The following DNAH14 variants were observed in gnomAD, a reference collection of about 807,000 sequenced individuals.
The protein encoded by DNAH14 is axonemal beta dynein heavy chain 14.
In DNAH14, 478 loss-of-function variants were observed where a neutral mutation model predicts 520.9. That is an observed-to-expected ratio of 0.92 (90% CI 0.85 to 0.99). The LOEUF is 0.99. Ranked by LOEUF, DNAH14 falls within the 50% of genes least tolerant of loss-of-function variation. The pLI is 0.00. For synonymous variants in DNAH14, 1,581 were observed against 1,757.2 expected, an observed-to-expected ratio of 0.90 and a Z score of 2.51; for missense variants, 4,831 against 5,234.5, an observed-to-expected ratio of 0.92 and a Z score of 2.38.
intron 37 of DNAH14, among the ~76,000 whole-genome samples, chr1:225,189,674 T>C (rs978716046): frequency 1.3e-5 from 2 of 151,996 alleles, no homozygotes; most frequent in Non-Finnish European, 2.9e-5. Context: ...GTATTTGAAC[T>C]ATTGTCTTTG....
At chr1:225,354,282 G>A (rs941918746) in intron 73 of DNAH14, 50 of 701,468 alleles carry the variant, frequency 7.1e-5, no homozygotes, top group Non-Finnish European at 1.2e-4. Context: ...AGGTAAGTCT[G>A]TCTAATTCTA....
chr1:224,968,959 C>T, intron 7 of DNAH14, 85 bp downstream of exon 7: 2 of 821,346 alleles, frequency 2.4e-6, no homozygotes, highest in African/African-American at 1.8e-5. Flanking sequence ...GGTTCTACTA[C>T]AGTAATACCA....
chr1:225,322,053 T>G (rs2094563477), intron 61 of DNAH14, among the ~76,000 whole-genome samples: 1 of 150,726 alleles, frequency 6.6e-6, no homozygotes, highest in Admixed American at 6.6e-5. Flanking sequence ...TTTAAATAAC[T>G]CTACAGTGAA....
intron 28 of DNAH14, among the ~76,000 whole-genome samples, chr1:225,142,324 A>G (rs917100370): frequency 1.3e-5 from 2 of 152,204 alleles, no homozygotes; most frequent in Admixed American, 6.5e-5. Context: ...CTAAGCCACC[A>G]TAGAGAATTC....
chr1:225,328,468 T>C (rs910113122), intron 64 of DNAH14, among the ~76,000 whole-genome samples: 7 of 152,248 alleles, frequency 4.6e-5, no homozygotes, highest in African/African-American at 1.7e-4. Flanking sequence ...AAAATGTATA[T>C]TTTTTACGCT....
chr1:224,930,028 A>G (rs113525871), intron 1 of DNAH14, among the ~76,000 whole-genome samples, 193 bp downstream of exon 1: 8,014 of 149,428 alleles, frequency 0.054, 323 homozygotes, highest in Non-Finnish European at 0.078. Flanking sequence ...CGCATCCACC[A>G]GGCGCCGGCG....
chr1:225,381,406 G>A lies in DNAH14; in HGVS notation c.12904G>A (p.Val4302Ile). The A allele has an allele frequency of 1.9e-6, 3 of 1,549,158 alleles. No individual in the cohort carries two copies. Among genetic ancestry groups the A allele is most frequent in the Admixed American group, 2.0e-5 (1 of 50,418 alleles). The change falls in exon 81 of 86, where the codon GTC becomes ATC. Residue 4302 changes from valine to isoleucine, a missense_variant. Coordinates refer to ENST00000682510, the MANE Select transcript of DNAH14 (RefSeq NM_001367479.1). ...LKDHDPLIHCVLLTFLKQEIK... is the reference protein window; with the variant it reads ...LKDHDPLIHCILLTFLKQEIK... ...AGATCACGACCCCCTTATCCATTGT[G>A]TCTTGCTAACCTTTTTGAAGCAAGA...
intron 23 of DNAH14, among the ~76,000 whole-genome samples, chr1:225,106,911 C>T (rs1178278596): frequency 1.3e-5 from 2 of 152,150 alleles, no homozygotes; most frequent in Non-Finnish European, 2.9e-5. Context: ...AGCATTGTTC[C>T]GTTGCTGGTG....
chr1:225,339,069 G>A (rs760751229), intron 68 of DNAH14, among the ~76,000 whole-genome samples: 1 of 151,842 alleles, frequency 6.6e-6, no homozygotes, highest in African/African-American at 2.4e-5. Context: ...AGCTGAGGTG[G>A]GTGGATCACC....
chr1:225,064,585 A>AG lies in DNAH14; in HGVS notation c.2424+12790_2424+12791insG, dbSNP rs556552854. On this transcript the variant is annotated intron_variant, in intron 17 of 85. Coordinates refer to ENST00000682510, the MANE Select transcript of DNAH14 (RefSeq NM_001367479.1). ...TGTATTAGAATAGTATGCAGCATTA[A>AG]AAAAAAGAACAAGCTACTACATGCA... is the stretch of plus-strand genomic sequence containing the variant. Among the ~76,000 whole-genome samples, 174 of 151,766 alleles carry AG rather than the reference A, an allele frequency of 1.1e-3. 1 individual carries two copies. In the South Asian group the frequency reaches 0.013, roughly 11 times the overall value.
At chr1:225,078,797 TC>T (rs2072629439) in intron 17 of DNAH14, among the ~76,000 whole-genome samples, 1 of 61,586 alleles carries the variant, frequency 1.6e-5, no homozygotes, top group South Asian at 8.0e-4. Flanking sequence ...TCTCTCTCTC[TC>T]TCTCTCTCTC....
intron 38 of DNAH14, among the ~76,000 whole-genome samples, chr1:225,197,132 G>A (rs1314234136): frequency 1.3e-5 from 2 of 151,936 alleles, no homozygotes; most frequent in Non-Finnish European, 2.9e-5. Flanking sequence ...ATGTCTAGAA[G>A]GGTTTTTTCA....
At chr1:225,089,427 A>C (rs1463903028) in intron 21 of DNAH14, among the ~76,000 whole-genome samples, 1 of 146,006 alleles carries the variant, frequency 6.8e-6, no homozygotes, top group Non-Finnish European at 1.5e-5. Context: ...CTGGGCAACA[A>C]GAGCAAAACT....
At chr1:224,964,651 T>C (rs1471009866) in intron 5 of DNAH14, 42 bp downstream of exon 5, 14 of 1,378,894 alleles carry the variant, frequency 1.0e-5, no homozygotes, top group Non-Finnish European at 1.4e-5. Flanking sequence ...TAAAAATCAA[T>C]ATTGAAATTA....
intron 58 of DNAH14, among the ~76,000 whole-genome samples, chr1:225,306,124 G>C (rs1408934767): frequency 2.6e-5 from 4 of 152,216 alleles, no homozygotes; most frequent in Non-Finnish European, 5.9e-5. Context: ...TAATTTGTGT[G>C]CTGCAGGCAA....
At chr1:225,161,479 C>G (rs1177910599) in intron 35 of DNAH14, among the ~76,000 whole-genome samples, 1 of 152,154 alleles carries the variant, frequency 6.6e-6, no homozygotes, top group African/African-American at 2.4e-5. Context: ...AGCAAACATG[C>G]AGATATGTCT....
intron 64 of DNAH14, among the ~76,000 whole-genome samples, chr1:225,327,426 G>A (rs1192123497): frequency 1.3e-5 from 2 of 152,120 alleles, no homozygotes; most frequent in Non-Finnish European, 2.9e-5. Context: ...CTACCAAAGT[G>A]CTGGGATTAC....
chr1:225,234,070 TC>T (rs1269613116), intron 42 of DNAH14, among the ~76,000 whole-genome samples: 1 of 152,226 alleles, frequency 6.6e-6, no homozygotes, highest in African/African-American at 2.4e-5. Context: ...CTTGTTTTTG[TC>T]ACATTTGTCA....
intron 27 of DNAH14, among the ~76,000 whole-genome samples, chr1:225,128,792 A>G (rs1347821925): frequency 2.0e-5 from 3 of 152,052 alleles, no homozygotes; most frequent in Non-Finnish European, 4.4e-5. Flanking sequence ...CTCCTATTCA[A>G]CACAGTGTTG....
Sources: allele counts gnomAD v4.1 joint callset (sites outside exome capture counted in the v4.1 genomes callset), GRCh38; gene constraint gnomAD v4.1.1; transcripts MANE v1.5; gene names NCBI Gene and HGNC (gene_info 2026-07-23, HGNC 2026-07-21).